The following RPAP1 variants were observed in gnomAD, a reference collection of about 807,000 sequenced individuals.
The protein encoded by RPAP1 is RNA polymerase II-associated protein 1.
RPAP1 carries 109 observed loss-of-function variants against 142.4 expected under a neutral mutation model. That is an observed-to-expected ratio of 0.77 (90% CI 0.66 to 0.90). RPAP1 has a LOEUF of 0.90. Ranked by LOEUF, RPAP1 falls within the 40% of genes least tolerant of loss-of-function variation. RPAP1 has a pLI of 0.00. For missense variants in RPAP1, 1,546 were observed against 1,751.7 expected (o/e 0.88, Z 2.10); for synonymous variants, 704 against 738.9 (o/e 0.95, Z 0.77).
intron 2 of RPAP1, 74 bp downstream of exon 2, chr15:41,536,871 A>T (rs1185723242): frequency 6.5e-7 from 1 of 1,535,768 alleles, no homozygotes; most frequent in Non-Finnish European, 8.9e-7. Flanking sequence ...TCTGAATCCA[A>T]CCACAACAGG....
Position 41,532,152 on chromosome 15 carries a change from G to A in RPAP1, c.764-950C>T, listed in dbSNP as rs147039943. On this transcript the variant is annotated intron_variant, in intron 6 of 24. Coordinates refer to ENST00000304330, the MANE Select transcript of RPAP1 (RefSeq NM_015540.4). ...TTTTCTTGCCTCAGCCTCCCGAGTA[G>A]CTGGGACTACAGGCGTGTGCCACCA... 9.3e-3 allele frequency among the ~76,000 whole-genome samples: 1,409 copies of A among 152,132 alleles called. 9 individuals are homozygous for A. The highest frequency in any genetic ancestry group is 0.022 in the South Asian group (105 of 4,824).
At chr15:41,521,210 G>A in intron 21 of RPAP1, 63 bp from the exon 22 acceptor site, 2 of 1,481,832 alleles carry the variant, frequency 1.3e-6, no homozygotes, top group African/African-American at 1.4e-5. Context: ...GGCTGTGCCA[G>A]CTCTTTGGAA....
At position 41,517,558 on chromosome 15, in the gene RPAP1, C is replaced by G; in HGVS notation, c.4166G>C (p.Gly1389Ala). The change falls in exon 25 of 25, where the codon GGG (glycine) becomes GCG (alanine). Residue 1389 changes from glycine to alanine, a missense_variant. Physicochemically the swap from Gly to Ala is moderately conservative, Grantham distance 60. Transcript: ENST00000304330. ...QRLTSTVLQNGVSET is the reference protein window; with the variant it reads ...QRLTSTVLQNAVSET ...TCAACTATCCTAGGTCTCTGATACCCCATTTTGGAGCACTGTTGAAGTCAG... is the reference window on the plus strand; with the variant it reads ...TCAACTATCCTAGGTCTCTGATACCGCATTTTGGAGCACTGTTGAAGTCAG... 1.3e-6 allele frequency: 2 copies of G among 1,571,540 alleles called. No homozygotes were observed. Among genetic ancestry groups the G allele is most frequent in the Non-Finnish European group, 1.7e-6 (2 of 1,159,298 alleles).
chr15:41,518,920 C>T (rs1002592222), intron 22 of RPAP1, among the ~76,000 whole-genome samples: 24 of 152,298 alleles, frequency 1.6e-4, no homozygotes, highest in African/African-American at 4.1e-4. Flanking sequence ...AATAGAGTCT[C>T]GTTCTATTTC....
Position 41,526,912 on chromosome 15 carries a change from T to C in RPAP1, c.1903A>G (p.Ile635Val). The C allele has an allele frequency of 6.2e-7, 1 of 1,612,714 alleles. No individual in the cohort carries two copies. Among genetic ancestry groups the C allele is most frequent in the Middle Eastern group, 1.7e-4 (1 of 6,054 alleles). Reference sequence around the variant, plus strand: ...GTCCTGCTCACCAGCCGGGCAGCAATATTCCTCCCAGCTGAGGCCAGGACA... The same window carrying C: ...GTCCTGCTCACCAGCCGGGCAGCAACATTCCTCCCAGCTGAGGCCAGGACA... ...LRVLASAGRNIAARLLSSFDL... is the reference protein window; with the variant it reads ...LRVLASAGRNVAARLLSSFDL... Residue 635 changes from isoleucine (I) to valine (V), a missense_variant, in exon 14 of 25, where the codon ATT (isoleucine) becomes GTT (valine). Transcript: ENST00000304330.
At chr15:41,532,482 A>G (rs1464133904) in intron 6 of RPAP1, among the ~76,000 whole-genome samples, 4 of 152,280 alleles carry the variant, frequency 2.6e-5, no homozygotes, top group Middle Eastern at 3.4e-3. Context: ...ATTATACTCT[A>G]TAGAGGTGCT....
At position 41,522,756 on chromosome 15, in the gene RPAP1, C is replaced by A; in HGVS notation, c.2742+9G>T. On this transcript the variant is annotated intron_variant, in intron 19 of 24. Coordinates refer to ENST00000304330, the MANE Select transcript of RPAP1 (RefSeq NM_015540.4). ...TTGCCTGGCCCCTAATCAGGCACCC[C>A]ACACTTACCTGGCCACACAGCCCCT... 1 of 1,547,624 alleles carries A rather than the reference C, an allele frequency of 6.5e-7. No homozygotes were observed. The highest frequency in any genetic ancestry group is 8.6e-7 in the Non-Finnish European group (1 of 1,159,264).
chr15:41,524,287 T>C (rs2051766055), intron 15 of RPAP1, 33 bp from the exon 16 acceptor site: 1 of 1,499,550 alleles, frequency 6.7e-7, no homozygotes, highest in Admixed American at 2.3e-5. Context: ...TTTCACTGTA[T>C]GAAAGCAAGT....
rs2051890560 is a variant in RPAP1, at chr15:41,534,761, G to C, written c.716C>G (p.Ala239Gly). 4 of 1,613,930 alleles carry C rather than the reference G, an allele frequency of 2.5e-6. No homozygotes were observed. Among genetic ancestry groups the C allele is most frequent in the Middle Eastern group, 1.6e-4 (1 of 6,084 alleles). The change falls in exon 6 of 25, where the codon GCT becomes GGT. Residue 239 changes from alanine to glycine, a missense_variant. Coordinates refer to ENST00000304330, the MANE Select transcript of RPAP1 (RefSeq NM_015540.4). ...CTGTTCCTGCAGGATCTCCTCAGGA[G>C]CCATGGCCTGCAGTCTTGCTATGTT... is the stretch of plus-strand genomic sequence containing the variant. ...EENIARLQAM[A>G]PEEILQEQQR... is the part of the protein sequence containing the mutation.
At position 41,536,533 on chromosome 15, in the gene RPAP1, G is replaced by C. The variant is rs1419297334; in HGVS notation, c.298C>G (p.Gln100Glu). 2 of 1,614,176 alleles carry C rather than the reference G, an allele frequency of 1.2e-6. No homozygotes were observed. The highest frequency in any genetic ancestry group is 1.7e-5 in the Admixed American group (1 of 60,016). The change falls in exon 3 of 25, where the codon CAG becomes GAG. Residue 100 changes from glutamine (Q) to glutamate (E), a missense_variant. Coordinates refer to ENST00000304330, the MANE Select transcript of RPAP1 (RefSeq NM_015540.4). ...DPEERLRRHDQHITAVLTKII... is the reference protein window; with the variant it reads ...DPEERLRRHDEHITAVLTKII... ...TTAGTCAAGACAGCAGTGATGTGCT[G>C]ATCATGCCTCCTCAGCCTCTCTTCT...
In RPAP1 at chr15:41,534,905, C is replaced by A; in HGVS notation, c.572G>T (p.Arg191Met). Residue 191 changes from arginine to methionine, a missense_variant, in exon 6 of 25, where the codon AGG becomes ATG. By Grantham distance (91) the Arg-to-Met change is moderately conservative. Coordinates refer to ENST00000304330, the MANE Select transcript of RPAP1 (RefSeq NM_015540.4). ...GAVTCETPTP[R>M]NQGCQLPGSS... is the part of the protein sequence containing the mutation. ...CCCAGGAAGCTGGCAGCCCTGGTTC[C>A]TAGGAGTGGGTGTCTCACAGGTCAC... 1.2e-6 allele frequency: 2 copies of A among 1,614,110 alleles called. No homozygotes were observed. Among genetic ancestry groups the A allele is most frequent in the Non-Finnish European group, 1.7e-6 (2 of 1,179,984 alleles).
Position 41,534,745 on chromosome 15 carries a change from C to T in RPAP1, c.732G>A (p.Leu244=). The change falls in exon 6 of 25, where the codon CTG becomes CTA. Residue 244 remains leucine, a synonymous_variant. Transcript: ENST00000304330. The stretch of plus-strand genomic sequence containing the variant: ...GGGCCAGCAACCGCTGCTGTTCCTG[C>T]AGGATCTCCTCAGGAGCCATGGCCT... The part of the protein sequence containing the change: ...RLQAMAPEEI[L]QEQQRLLAQL... 2 of 1,614,038 alleles carry T rather than the reference C, an allele frequency of 1.2e-6. No homozygotes were observed. Among genetic ancestry groups the T allele is most frequent in the Non-Finnish European group, 1.7e-6 (2 of 1,180,000 alleles).
chr15:41,521,873 AGCGCT>A lies in RPAP1; in HGVS notation c.2898_2902del (p.Leu968AlafsTer26). 6.2e-7 allele frequency: 1 copy of A among 1,613,778 alleles called. No individual in the cohort carries two copies. Among genetic ancestry groups the A allele is most frequent in the Non-Finnish European group, 8.5e-7 (1 of 1,179,856 alleles). ...AGCATGGGTGGCTGGCAGTGGCTGC[AGCGCT>A]GCCTGCAGACAGAAAAGCAGGGAAC... is the stretch of plus-strand genomic sequence containing the variant. On this transcript the variant is annotated frameshift_variant and splice_region_variant, in exon 21 of 25. Transcript: ENST00000304330. LOFTEE classifies it high-confidence loss of function.
chr15:41,540,402 A>G (rs2051960656), intron 1 of RPAP1, among the ~76,000 whole-genome samples: 1 of 151,868 alleles, frequency 6.6e-6, no homozygotes, highest in Non-Finnish European at 1.5e-5. Flanking sequence ...CCCAGGTTCA[A>G]GCGATTCTCC....
At chr15:41,542,485 A>C (rs1161569481) in intron 1 of RPAP1, among the ~76,000 whole-genome samples, 1 of 152,234 alleles carries the variant, frequency 6.6e-6, no homozygotes, top group East Asian at 1.9e-4. Context: ...TGAAGTGAGC[A>C]AAGACCTGTC....
chr15:41,518,857 C>A (rs2051696318), intron 22 of RPAP1, among the ~76,000 whole-genome samples: 1 of 152,080 alleles, frequency 6.6e-6, no homozygotes, highest in Admixed American at 6.6e-5. Flanking sequence ...AAAACAAAAA[C>A]AAAAACCCAA....
At chr15:41,530,046 A>G in intron 7 of RPAP1, 67 bp from the exon 8 acceptor site, 1 of 1,177,812 alleles carries the variant, frequency 8.5e-7, no homozygotes, top group East Asian at 2.5e-5. Flanking sequence ...GGTCCCCACC[A>G]TCACCCAGCA....
In RPAP1 at chr15:41,522,108, G is replaced by A; in HGVS notation, c.2885C>T (p.Ala962Val). The A allele has an allele frequency of 6.2e-7, 1 of 1,613,504 alleles. No homozygotes were observed. Residue 962 changes from alanine (A) to valine (V), a missense_variant, in exon 20 of 25, where the codon GCC (alanine) becomes GTC (valine). Ala to Val is a moderately conservative substitution (Grantham distance 64, BLOSUM62 0). Coordinates refer to ENST00000304330, the MANE Select transcript of RPAP1 (RefSeq NM_015540.4). The stretch of plus-strand genomic sequence containing the variant: ...GACAGGGGGACCTACCGCTTTCTGG[G>A]CCAGAGCGAGTGCCAGGTACTGCAG... Reference protein sequence around the residue: ...YHLQYLALALAQKAAALQPLP... With the variant: ...YHLQYLALALVQKAAALQPLP...
chr15:41,534,956 C>T (rs2051893108), intron 5 of RPAP1, 21 bp from the exon 6 acceptor site: 1 of 1,609,340 alleles, frequency 6.2e-7, no homozygotes, highest in South Asian at 1.1e-5. Flanking sequence ...GGTATGATCA[C>T]ATTCATTGCT....
Sources: allele counts gnomAD v4.1 joint callset (sites outside exome capture counted in the v4.1 genomes callset), GRCh38; gene constraint gnomAD v4.1.1; transcripts MANE v1.5; gene names NCBI Gene and HGNC (gene_info 2026-07-23, HGNC 2026-07-21).